The following ANKRD18B variants were observed in gnomAD, a reference collection of about 807,000 sequenced individuals.
The protein encoded by ANKRD18B is ankyrin repeat domain 18B.
In ANKRD18B, 75 loss-of-function variants were observed where a neutral mutation model predicts 111.8. The observed-to-expected ratio is 0.67, with a 90% CI of 0.56 to 0.81. ANKRD18B has a LOEUF of 0.81. Among genes scored for constraint, ANKRD18B ranks in the 40% least tolerant of loss-of-function variants. The pLI is 0.00. For synonymous variants in ANKRD18B, 356 were observed against 417.3 expected (o/e 0.85, Z 1.79); for missense variants, 1,038 against 1,225.5 (o/e 0.85, Z 2.28).
intron 14 of ANKRD18B, among the ~76,000 whole-genome samples, chr9:33,559,186 A>G (rs890079949): frequency 2.6e-5 from 4 of 152,120 alleles, no homozygotes; most frequent in African/African-American, 9.7e-5. Context: ...GGGTAAATAT[A>G]TCTTTTCAGA....
chr9:33,533,866 T>G (rs1363259208), intron 4 of ANKRD18B: 4 of 165,328 alleles, frequency 2.4e-5, no homozygotes, highest in African/African-American at 9.8e-5. Context: ...AGTTTACAAC[T>G]ACTACTATTA....
At chr9:33,556,336 T>C (rs1172980028) in intron 13 of ANKRD18B, among the ~76,000 whole-genome samples, 1 of 151,592 alleles carries the variant, frequency 6.6e-6, no homozygotes, top group African/African-American at 2.4e-5. Context: ...TGATCTTGGC[T>C]CACTGCAACC....
chr9:33,526,794 T>C (rs1052209020), intron 1 of ANKRD18B, among the ~76,000 whole-genome samples: 2 of 152,200 alleles, frequency 1.3e-5, no homozygotes, highest in Admixed American at 6.5e-5. Context: ...TCATTACATA[T>C]AGGCAAACTG....
downstream of ANKRD18B, chr9:33,573,136 T>C (rs1277435588): frequency 5.2e-6 from 7 of 1,336,618 alleles, no homozygotes; most frequent in Non-Finnish European, 6.7e-6. Context: ...CACAAGGTGT[T>C]CTAAACTAAT....
intron 14 of ANKRD18B, 117 bp downstream of exon 14, chr9:33,558,304 C>T (rs1828556959): frequency 2.5e-6 from 3 of 1,191,114 alleles, no homozygotes; most frequent in Non-Finnish European, 3.5e-6. Flanking sequence ...CAATCCATCA[C>T]CTAGGTATTA....
In ANKRD18B at chr9:33,567,249, A is replaced by C; in HGVS notation, c.2889A>C (p.Glu963Asp). The C allele has an allele frequency of 6.5e-7, 1 of 1,549,916 alleles. No individual in the cohort carries two copies. Among genetic ancestry groups the C allele is most frequent in the Admixed American group, 2.0e-5 (1 of 50,798 alleles). ...TAYEDVTTELEEYKEAFAVAL... is the reference protein window; with the variant it reads ...TAYEDVTTELDEYKEAFAVAL... ...ATGAAGATGTTACAACTGAATTAGA[A>C]GAGTATAAGGAAGCCTTTGCAGTAG... Residue 963 changes from glutamate to aspartate, a missense_variant, in exon 16 of 19, where the codon GAA becomes GAC. Coordinates refer to ENST00000684830, the MANE Select transcript of ANKRD18B (RefSeq NM_001393611.1).
chr9:33,572,463 T>G lies in ANKRD18B; in HGVS notation c.*29T>G. 6.8e-7 allele frequency: 1 copy of G among 1,461,002 alleles called. No individual in the cohort carries two copies. Among genetic ancestry groups the G allele is most frequent in the South Asian group, 1.4e-5 (1 of 72,756 alleles). 90.5% of individuals were successfully genotyped at this position (1,461,002 alleles called of 1,614,324 possible). On this transcript the variant is annotated 3_prime_UTR_variant, in exon 19 of 19. Transcript: ENST00000684830. ...ATCATAAAACTTTATTACTGGGCTA[T>G]TTACATGAAATTTTAATTGTTTCTC...
chr9:33,550,798 C>T (rs1828435579), intron 12 of ANKRD18B, among the ~76,000 whole-genome samples: 1 of 152,166 alleles, frequency 6.6e-6, no homozygotes, highest in African/African-American at 2.4e-5. Flanking sequence ...CTTATAATAT[C>T]TACTCTTGGG....
At chr9:33,545,627 A>G (rs1244296593) in intron 10 of ANKRD18B, among the ~76,000 whole-genome samples, 6 of 152,214 alleles carry the variant, frequency 3.9e-5, no homozygotes, top group Non-Finnish European at 5.9e-5. Context: ...TAAAAGCATG[A>G]AACATGAATT....
At chr9:33,554,181 A>AAAAGAAAGAAAG (rs200436620) in intron 12 of ANKRD18B, among the ~76,000 whole-genome samples, 6,085 of 151,108 alleles carry the variant, frequency 0.04, 168 homozygotes, top group South Asian at 0.059. Flanking sequence ...GAAAGAAGGA[A>AAAAGAAAGAAAG]AAAGAAAGAA....
intron 5 of ANKRD18B, among the ~76,000 whole-genome samples, chr9:33,536,589 T>C (rs1329939505): frequency 6.6e-6 from 1 of 152,192 alleles, no homozygotes; most frequent in African/African-American, 2.4e-5. Flanking sequence ...TACCTATTGG[T>C]TACAGAGCGA....
intron 14 of ANKRD18B, among the ~76,000 whole-genome samples, chr9:33,559,235 T>C (rs1828571898): frequency 6.6e-6 from 1 of 152,122 alleles, no homozygotes; most frequent in Non-Finnish European, 1.5e-5. Context: ...CTTCCCTAGA[T>C]CTGGGAAGAC....
At chr9:33,575,005 C>A (rs1434750135), downstream of ANKRD18B, among the ~76,000 whole-genome samples, 10 of 152,184 alleles carry the variant, frequency 6.6e-5, no homozygotes, top group East Asian at 1.9e-4. Context: ...CAGCTGACTG[C>A]TCAGACTCAG....
At position 33,568,864 on chromosome 9, in the gene ANKRD18B, T is replaced by C; in HGVS notation, c.3148T>C (p.Ser1050Pro). 1 of 1,550,924 alleles carries C rather than the reference T, an allele frequency of 6.4e-7. No individual in the cohort carries two copies. Among genetic ancestry groups the C allele is most frequent in the East Asian group, 2.4e-5 (1 of 40,888 alleles). ...IRIPTSNPQT[S>P]NNCKNSLTEM... is the part of the protein sequence containing the mutation. ...AATTCCTACTTCAAACCCACAGACTTCAAATAACTGCAAGAACTCCTTGAC... is the reference window on the plus strand; with the variant it reads ...AATTCCTACTTCAAACCCACAGACTCCAAATAACTGCAAGAACTCCTTGAC... The change falls in exon 17 of 19, where the codon TCA becomes CCA. Residue 1050 changes from serine to proline, a missense_variant. This residue lies in a region of ANKRD18B where 524 missense variants were observed against 677.9 expected (regional missense o/e 0.77). Transcript: ENST00000684830.
chr9:33,573,247 C>T, downstream of ANKRD18B: 1 of 985,322 alleles, frequency 1.0e-6, no homozygotes, highest in South Asian at 4.7e-5. Flanking sequence ...ATCATGCGCT[C>T]ACTAGTCCCC....
Sources: gnomAD v4.1 joint callset for allele counts (sites outside exome capture counted in the v4.1 genomes callset) on GRCh38, gnomAD v4.1.1 for gene constraint, gnomAD v4.1.1 regional missense constraint, MANE v1.5 for transcripts, NCBI Gene and HGNC (gene_info 2026-07-23, HGNC 2026-07-21) for gene names.